Variants in PSD2 observed in about 807,000 individuals in gnomAD.
PSD2 encodes PH and SEC7 domain-containing protein 2.
PSD2 carries 38 observed loss-of-function variants against 69.8 expected under a neutral mutation model. The observed-to-expected ratio is 0.54, with a 90% CI of 0.42 to 0.71. The LOEUF is 0.71. Ranked by LOEUF, PSD2 falls within the 30% of genes least tolerant of loss-of-function variation. The pLI is 0.00. For synonymous variants in PSD2, 412 were observed against 423.0 expected (o/e 0.97, Z 0.32); for missense variants, 943 against 1,014.5 (o/e 0.93, Z 0.96).
chr5:139,775,881 C>A, the PSD2 span, among the ~76,000 whole-genome samples: 1 of 152,182 alleles, frequency 6.6e-6, no homozygotes, highest in Non-Finnish European at 1.5e-5. Flanking sequence ...GTTGGTCAGG[C>A]TGGTCTCAAA....
chr5:139,831,986 AAGG>A (rs1197009942), intron 7 of PSD2, among the ~76,000 whole-genome samples: 3 of 152,104 alleles, frequency 2.0e-5, no homozygotes, highest in African/African-American at 7.2e-5. Context: ...CACTGCTGGG[AAGG>A]AGCAGGTGCT....
the PSD2 span, among the ~76,000 whole-genome samples, chr5:139,763,452 G>C: frequency 6.6e-6 from 1 of 152,226 alleles, no homozygotes; most frequent in Non-Finnish European, 1.5e-5. Flanking sequence ...CTTTGCCGGG[G>C]AAGGCAAGAA....
chr5:139,749,762 G>A, the PSD2 span, among the ~76,000 whole-genome samples: 23 of 152,144 alleles, frequency 1.5e-4, no homozygotes, highest in South Asian at 4.6e-3. Context: ...TTGGGAGGCC[G>A]AGGTGGGCAG....
chr5:139,784,316 T>A, the PSD2 span, among the ~76,000 whole-genome samples: 7 of 151,990 alleles, frequency 4.6e-5, no homozygotes, highest in South Asian at 1.5e-3. Flanking sequence ...ACTCCTGTGG[T>A]GACCTCACCC....
the PSD2 span, among the ~76,000 whole-genome samples, chr5:139,757,786 C>T: frequency 2.0e-5 from 3 of 152,308 alleles, no homozygotes; most frequent in South Asian, 4.1e-4. Context: ...TGTCCTCTCC[C>T]CAGCATACCC....
At chr5:139,821,832 G>T (rs922156751) in intron 5 of PSD2, 61 bp from the exon 6 acceptor site, 6 of 912,040 alleles carry the variant, frequency 6.6e-6, no homozygotes, top group Non-Finnish European at 1.1e-5. Flanking sequence ...TGTGTGTGGG[G>T]GGTGGTCTTA....
intron 1 of PSD2, among the ~76,000 whole-genome samples, chr5:139,798,943 A>C (rs1245605546): frequency 6.6e-6 from 1 of 152,028 alleles, no homozygotes; most frequent in East Asian, 1.9e-4. Flanking sequence ...TTAGTGTTTC[A>C]ATCTGGATGA....
At chr5:139,838,014 G>A (rs1760778867) in intron 12 of PSD2, among the ~76,000 whole-genome samples, 1 of 152,194 alleles carries the variant, frequency 6.6e-6, no homozygotes, top group African/African-American at 2.4e-5. Context: ...CTCTGGGATG[G>A]CTCCAGCAAC....
chr5:139,816,730 G>A (rs776649272), intron 4 of PSD2, among the ~76,000 whole-genome samples: 4 of 152,324 alleles, frequency 2.6e-5, no homozygotes, highest in African/African-American at 4.8e-5. Flanking sequence ...AGCCTCCTTC[G>A]CTGGCTCGCT....
intron 9 of PSD2, 46 bp from the exon 10 acceptor site, chr5:139,836,765 G>C (rs763954641): frequency 9.9e-5 from 156 of 1,570,168 alleles, no homozygotes; most frequent in Admixed American, 3.0e-4. Flanking sequence ...ACGATGCGGG[G>C]CCGAGGCCTC....
intron 1 of PSD2, among the ~76,000 whole-genome samples, chr5:139,802,006 T>G (rs555794760): frequency 3.9e-4 from 59 of 152,252 alleles, no homozygotes; most frequent in African/African-American, 1.3e-3. Flanking sequence ...ACAGCCCCTT[T>G]CACACCTGCT....
At chr5:139,765,319 G>T in the PSD2 span, among the ~76,000 whole-genome samples, 1 of 151,886 alleles carries the variant, frequency 6.6e-6, no homozygotes, top group Non-Finnish European at 1.5e-5. Context: ...ACCACCCAGC[G>T]CCCTCTTTCC....
At chr5:139,807,572 A>G (rs1233974906) in intron 1 of PSD2, among the ~76,000 whole-genome samples, 1 of 152,134 alleles carries the variant, frequency 6.6e-6, no homozygotes, top group African/African-American at 2.4e-5. Flanking sequence ...GAGATGTTTA[A>G]GTCTGTGGGC....
At chr5:139,810,616 C>T (rs1043108719) in intron 2 of PSD2, among the ~76,000 whole-genome samples, 6 of 152,074 alleles carry the variant, frequency 3.9e-5, no homozygotes, top group African/African-American at 1.4e-4. Context: ...TGTTGGTGCC[C>T]CTGGCCTGGG....
At position 139,837,515 on chromosome 5, in the gene PSD2, C is replaced by G; in HGVS notation, c.1666-110C>G. On this transcript the variant is annotated intron_variant, in intron 11 of 14. Coordinates refer to ENST00000274710, the MANE Select transcript of PSD2 (RefSeq NM_032289.4). The surrounding 1 kb of genome is among the most constrained non-coding windows in gnomAD (Gnocchi z 5.0). ...ATTCTTGTTGGGGTGGGTGAGGCAG[C>G]AGGAACAGAAAATTAAGGGAGCCGT... 8.3e-7 allele frequency: 1 copy of G among 1,200,172 alleles called. No individual in the cohort carries two copies. Among genetic ancestry groups the G allele is most frequent in the Non-Finnish European group, 1.2e-6 (1 of 854,016 alleles). The allele number at this position is 1,200,172 out of a possible 1,614,324, so 74.3% of individuals were successfully genotyped here. A position where few individuals can be genotyped will look rare whatever the true frequency, so the allele number is the denominator to read the frequency against.
intron 7 of PSD2, among the ~76,000 whole-genome samples, chr5:139,825,311 G>T (rs1388327546): frequency 6.6e-6 from 1 of 152,226 alleles, no homozygotes; most frequent in African/African-American, 2.4e-5. Flanking sequence ...GGGCCAGCAG[G>T]GCTGGTTTTC....
At chr5:139,835,926 T>A (rs1760705608) in intron 9 of PSD2, among the ~76,000 whole-genome samples, 160 bp downstream of exon 9, 1 of 152,208 alleles carries the variant, frequency 6.6e-6, no homozygotes, top group Non-Finnish European at 1.5e-5. Context: ...GGTGTTGAAT[T>A]CCCCTTTGGA....
At chr5:139,770,770 ATG>A in the PSD2 span, among the ~76,000 whole-genome samples, 1 of 152,210 alleles carries the variant, frequency 6.6e-6, no homozygotes, top group Non-Finnish European at 1.5e-5. Context: ...TGTTGAGAGA[ATG>A]TGCATAAGTC....
intron 1 of PSD2, among the ~76,000 whole-genome samples, chr5:139,803,954 C>G (rs1429575262): frequency 1.3e-5 from 2 of 152,092 alleles, no homozygotes; most frequent in African/African-American, 4.8e-5. Context: ...TGAGGGCTTC[C>G]TGGCAGCACC....
Sources: gnomAD v4.1 joint callset for allele counts (sites outside exome capture counted in the v4.1 genomes callset) on GRCh38, gnomAD v4.1.1 for gene constraint, Gnocchi (gnomAD v3.1) non-coding constraint, MANE v1.5 for transcripts, NCBI Gene and HGNC (gene_info 2026-07-23, HGNC 2026-07-21) for gene names.